TRPC5: variants seen among roughly 807,000 people sequenced by gnomAD.
TRPC5 encodes the protein short transient receptor potential channel 5.
TRPC5 carries 9 observed loss-of-function variants against 56.5 expected under a neutral mutation model. That is an observed-to-expected ratio of 0.16 (90% CI 0.10 to 0.28). The LOEUF is 0.28. Among genes scored for constraint, TRPC5 ranks in the 10% least tolerant of loss-of-function variants. The pLI, the probability that TRPC5 is intolerant of heterozygous loss-of-function variation, is 1.00. For missense variants in TRPC5, 469 were observed against 748.9 expected (o/e 0.63, Z 4.36); for synonymous variants, 282 against 278.5 (o/e 1.01, Z -0.13).
chrX:111,863,797 T>G (rs190477822), intron 3 of TRPC5, among the ~76,000 whole-genome samples: 1 of 111,843 alleles, frequency 8.9e-6, no homozygotes, highest in East Asian at 2.8e-4. Flanking sequence ...CAATTCACAG[T>G]TTTCCATGTG....
intron 6 of TRPC5, among the ~76,000 whole-genome samples, chrX:111,846,294 C>G (rs1922924656): frequency 8.9e-6 from 1 of 111,752 alleles, no homozygotes; most frequent in South Asian, 3.8e-4. Context: ...TGGAGATGGA[C>G]AAGATGTAGA....
intron 6 of TRPC5, among the ~76,000 whole-genome samples, chrX:111,843,624 G>C (rs193120444): frequency 1.9e-4 from 21 of 111,587 alleles, no homozygotes; most frequent in African/African-American, 5.9e-4. Context: ...GGAGAGGCAA[G>C]AGTCAGATTA....
intron 3 of TRPC5, among the ~76,000 whole-genome samples, chrX:111,882,526 A>AAG (rs1924275180): frequency 8.8e-6 from 1 of 113,126 alleles, no homozygotes; most frequent in Admixed American, 9.3e-5. Context: ...CAGCTTAATC[A>AAG]AGACAAGGCC....
intron 5 of TRPC5, among the ~76,000 whole-genome samples, chrX:111,850,796 T>C (rs182314094): frequency 8.9e-6 from 1 of 112,253 alleles, no homozygotes; most frequent in East Asian, 2.8e-4. Context: ...TTAGCTAATG[T>C]TGAGAATCTA....
chrX:111,887,158 A>G (rs1046376323), intron 3 of TRPC5, among the ~76,000 whole-genome samples: 7 of 112,619 alleles, frequency 6.2e-5, no homozygotes, highest in Non-Finnish European at 1.1e-4. Context: ...TTGGACTCTC[A>G]CATCTCCCTT....
chrX:111,855,360 A>C (rs1923194586), intron 3 of TRPC5, among the ~76,000 whole-genome samples: 1 of 111,342 alleles, frequency 9.0e-6, no homozygotes, highest in African/African-American at 3.3e-5. Flanking sequence ...GAAGTTTCCT[A>C]TGTGTGCTCC....
Position 111,774,106 on chromosome X carries a change from A to G in TRPC5, c.*2207T>C, listed in dbSNP as rs1224864175. ...GTGACATATGACACTGGTTCTTTCAATAGTAGAGATTGATTTACACATATT... is the reference window on the plus strand; with the variant it reads ...GTGACATATGACACTGGTTCTTTCAGTAGTAGAGATTGATTTACACATATT... On this transcript the variant is annotated 3_prime_UTR_variant, in exon 11 of 11. Coordinates refer to ENST00000262839, the MANE Select transcript of TRPC5 (RefSeq NM_012471.3). 8.9e-6 allele frequency among the ~76,000 whole-genome samples: 1 copy of G among 111,736 alleles called. No homozygotes were observed. Among genetic ancestry groups the G allele is most frequent in the East Asian group, 2.8e-4 (1 of 3,550 alleles).
At chrX:111,820,658 C>G (rs944743482) in intron 7 of TRPC5, among the ~76,000 whole-genome samples, 11 of 111,685 alleles carry the variant, frequency 9.8e-5, no homozygotes, top group Admixed American at 1.9e-4. Context: ...CACTCACCAT[C>G]TGGCCCTTTA....
chrX:111,932,135 T>A (rs1926432402), intron 2 of TRPC5, among the ~76,000 whole-genome samples: 1 of 111,063 alleles, frequency 9.0e-6, no homozygotes, highest in Non-Finnish European at 1.9e-5. Flanking sequence ...ATGAAGGCAA[T>A]GGACAGAGAC....
chrX:111,935,320 T>G (rs1488551997), intron 2 of TRPC5, among the ~76,000 whole-genome samples: 1 of 111,528 alleles, frequency 9.0e-6, no homozygotes, highest in East Asian at 2.8e-4. Flanking sequence ...AGACTAATCG[T>G]TTTTTTTCCT....
At chrX:111,854,518 A>G (rs779430801) in intron 3 of TRPC5, among the ~76,000 whole-genome samples, 1 of 110,427 alleles carries the variant, frequency 9.1e-6, no homozygotes, top group South Asian at 3.9e-4. Context: ...TGGATGGAGG[A>G]GAGAGTAGAG....
intron 1 of TRPC5, among the ~76,000 whole-genome samples, chrX:111,988,771 A>T (rs775267308): frequency 1.8e-5 from 2 of 110,729 alleles, no homozygotes; most frequent in Non-Finnish European, 3.8e-5. Flanking sequence ...CATGGTACAT[A>T]TTTTCTTTGA....
At chrX:111,897,201 T>C (rs930258160) in intron 3 of TRPC5, among the ~76,000 whole-genome samples, 4 of 111,659 alleles carry the variant, frequency 3.6e-5, no homozygotes, top group African/African-American at 9.7e-5. Flanking sequence ...AAAACACTTC[T>C]GGTACCAAGC....
intron 1 of TRPC5, among the ~76,000 whole-genome samples, chrX:111,954,503 T>C (rs1927176600): frequency 9.0e-6 from 1 of 111,460 alleles, no homozygotes. Context: ...TATGGCCTAG[T>C]TGGGTGATGG....
At chrX:111,892,106 C>A (rs1924834694) in intron 3 of TRPC5, among the ~76,000 whole-genome samples, 1 of 112,003 alleles carries the variant, frequency 8.9e-6, no homozygotes, top group South Asian at 3.8e-4. Flanking sequence ...GGCAAGCTGG[C>A]ATTTGCCACA....
At chrX:112,038,287 T>C (rs1358725772) in intron 1 of TRPC5, among the ~76,000 whole-genome samples, 1 of 112,529 alleles carries the variant, frequency 8.9e-6, no homozygotes, top group Non-Finnish European at 1.9e-5. Flanking sequence ...CTAACATGTA[T>C]TGTACACTTC....
At chrX:111,971,876 T>C (rs1248504411) in intron 1 of TRPC5, among the ~76,000 whole-genome samples, 3 of 111,762 alleles carry the variant, frequency 2.7e-5, no homozygotes, top group African/African-American at 9.8e-5. Context: ...TTTAAGCATT[T>C]AATCTAGTTC....
chrX:111,947,778 G>A (rs1039555972), intron 2 of TRPC5, among the ~76,000 whole-genome samples: 1 of 112,246 alleles, frequency 8.9e-6, no homozygotes, highest in Non-Finnish European at 1.9e-5. Flanking sequence ...CATTTATGAA[G>A]TGTTGGTGAT....
At chrX:111,910,581 G>T (rs1048597361) in intron 3 of TRPC5, among the ~76,000 whole-genome samples, 1 of 112,486 alleles carries the variant, frequency 8.9e-6, no homozygotes, top group Non-Finnish European at 1.9e-5. Flanking sequence ...GCCCAGGCTG[G>T]AGTGCCATGG....
Sources: allele counts gnomAD v4.1 joint callset (sites outside exome capture counted in the v4.1 genomes callset), GRCh38; gene constraint gnomAD v4.1.1; transcripts MANE v1.5; gene names NCBI Gene and HGNC (gene_info 2026-07-23, HGNC 2026-07-21).